The following DLC1 variants were observed in gnomAD, a reference collection of about 807,000 sequenced individuals.
DLC1 encodes the protein rho GTPase-activating protein 7.
Under a neutral mutation model 140.3 loss-of-function variants are expected in DLC1, and 54 were observed. The ratio of observed to expected loss-of-function variants is 0.38; its 90% confidence interval spans 0.31 to 0.48. The LOEUF is 0.48. Among genes scored for constraint, DLC1 ranks in the 20% least tolerant of loss-of-function variants. The pLI is 0.96. For synonymous variants in DLC1, 986 were observed against 728.1 expected, an observed-to-expected ratio of 1.35 and a Z score of -5.70; for missense variants, 2,536 against 1,907.0, an observed-to-expected ratio of 1.33 and a Z score of -6.14.
intron 5 of DLC1, among the ~76,000 whole-genome samples, chr8:13,152,299 T>C (rs1197780958): frequency 6.6e-6 from 1 of 152,240 alleles, no homozygotes; most frequent in Non-Finnish European, 1.5e-5. Context: ...TGCATGCTTC[T>C]CTTGATAGAC....
rs1409280128 is a variant in DLC1 at position 13,481,462 on chromosome 8, A to G, written c.1023+17587T>C. ...TAAATAAATAAAACAAACAAACAGA[A>G]GAATAAGCATTTTAAATAAAATAAA... On this transcript the variant is annotated intron_variant, in intron 2 of 17. Transcript: ENST00000276297. 2.0e-5 allele frequency among the ~76,000 whole-genome samples: 3 copies of G among 152,204 alleles called. No individual in the cohort carries two copies. In the East Asian group the frequency reaches 5.8e-4, roughly 29 times the overall value.
intron 4 of DLC1, among the ~76,000 whole-genome samples, chr8:13,392,052 C>T (rs891576471): frequency 6.6e-6 from 1 of 151,702 alleles, no homozygotes; most frequent in Admixed American, 6.6e-5. Context: ...CTCAACTTTC[C>T]TTACCCATTA....
At chr8:13,305,046 A>G in intron 5 of DLC1, 1 of 1,178,344 alleles carries the variant, frequency 8.5e-7, no homozygotes, top group Non-Finnish European at 1.1e-6. Context: ...GAAGACCCCA[A>G]GAAACACATA....
At chr8:13,391,897 G>T (rs1344749537) in intron 4 of DLC1, among the ~76,000 whole-genome samples, 4 of 96,286 alleles carry the variant, frequency 4.2e-5, no homozygotes, top group Non-Finnish European at 8.4e-5. Context: ...TGTCCCCAAT[G>T]TTGAAAAAAA....
At chr8:13,444,442 G>C (rs914523287) in intron 2 of DLC1, among the ~76,000 whole-genome samples, 1 of 152,014 alleles carries the variant, frequency 6.6e-6, no homozygotes, top group South Asian at 2.1e-4. Context: ...AGAACTTAAC[G>C]TTTAATAATA....
intron 5 of DLC1, among the ~76,000 whole-genome samples, chr8:13,146,168 G>A (rs1416404989): frequency 6.6e-6 from 1 of 151,812 alleles, no homozygotes; most frequent in Non-Finnish European, 1.5e-5. Flanking sequence ...CCAGCTACTC[G>A]GGAGGCTGAG....
At position 13,499,534 on chromosome 8, in the gene DLC1, C is replaced by G. The variant is rs1801686576; in HGVS notation, c.538G>C (p.Glu180Gln). The G allele has an allele frequency of 6.2e-7, 1 of 1,613,994 alleles. No homozygotes were observed. Among genetic ancestry groups the G allele is most frequent in the African/African-American group, 1.3e-5 (1 of 74,914 alleles). ...CTTATAGAGTCAGTAACTTTTCTCT[C>G]CCCACTTTCTTTTACCAGTGCTAAT... ...TELALVKESG[E>Q]RKVTDSISKS... Residue 180 changes from glutamate to glutamine, a missense_variant, in exon 2 of 18, where the codon GAG (glutamate) becomes CAG (glutamine). Transcript: ENST00000276297.
rs374480285 is a variant in DLC1, at chr8:13,091,750, A to G, written c.3741-318T>C. ...CATGGTGGGGGAGCAACTTCTGAGG[A>G]GTGTGGGAAAGGAGTCCCAGGGAGT... On this transcript the variant is annotated intron_variant, in intron 13 of 17. Coordinates refer to ENST00000276297, the MANE Select transcript of DLC1 (RefSeq NM_182643.3). 6.2e-4 allele frequency among the ~76,000 whole-genome samples: 95 copies of G among 152,212 alleles called. No homozygotes were observed. In the East Asian group the frequency reaches 9.7e-3, roughly 16 times the overall value.
chr8:13,421,756 T>C (rs2117348532), intron 2 of DLC1, among the ~76,000 whole-genome samples: 1 of 152,310 alleles, frequency 6.6e-6, no homozygotes, highest in Admixed American at 6.5e-5. Context: ...GACCTGTTTG[T>C]TTGCCTTTTC....
intron 5 of DLC1, among the ~76,000 whole-genome samples, chr8:13,142,306 G>A (rs1415192163): frequency 1.3e-5 from 2 of 152,120 alleles, no homozygotes; most frequent in African/African-American, 4.8e-5. Flanking sequence ...TAATATTTGA[G>A]GATTTATCAG....
At chr8:13,592,828 T>C (rs558429922) in intron 1 of DLC1, among the ~76,000 whole-genome samples, 1 of 152,244 alleles carries the variant, frequency 6.6e-6, no homozygotes, top group Admixed American at 6.5e-5. Context: ...AAGCAATGAT[T>C]TGTCTCTGTT....
chr8:13,390,831 C>G (rs1043726291), intron 4 of DLC1, among the ~76,000 whole-genome samples: 1 of 151,622 alleles, frequency 6.6e-6, no homozygotes, highest in African/African-American at 2.4e-5. Context: ...ACTAAAAATA[C>G]AAAAAAATTA....
intron 4 of DLC1, among the ~76,000 whole-genome samples, chr8:13,368,767 A>G (rs1052314040): frequency 1.3e-5 from 2 of 152,164 alleles, no homozygotes; most frequent in African/African-American, 2.4e-5. Flanking sequence ...TCTTCCAAGT[A>G]AGGATAAGTG....
intron 1 of DLC1, among the ~76,000 whole-genome samples, chr8:13,554,621 C>A (rs1422950115): frequency 6.6e-6 from 1 of 152,114 alleles, no homozygotes; most frequent in Non-Finnish European, 1.5e-5. Flanking sequence ...ACCTCATTCC[C>A]AAACCCTCTA....
At chr8:13,152,243 A>C (rs1823875893) in intron 5 of DLC1, among the ~76,000 whole-genome samples, 1 of 152,206 alleles carries the variant, frequency 6.6e-6, no homozygotes, top group African/African-American at 2.4e-5. Flanking sequence ...TTCTGAAATG[A>C]CCCAGAAGTT....
intron 2 of DLC1, among the ~76,000 whole-genome samples, chr8:13,497,792 T>A (rs1801580940): frequency 6.6e-6 from 1 of 152,316 alleles, no homozygotes; most frequent in Non-Finnish European, 1.5e-5. Context: ...ATAACAACTT[T>A]ATGGAGCATT....
At chr8:13,291,680 T>C (rs1831762359) in intron 5 of DLC1, among the ~76,000 whole-genome samples, 1 of 152,154 alleles carries the variant, frequency 6.6e-6, no homozygotes, top group Non-Finnish European at 1.5e-5. Flanking sequence ...TAGACAGTAA[T>C]AAATATAAAT....
chr8:13,487,027 C>T (rs28568527), intron 2 of DLC1, among the ~76,000 whole-genome samples: 3,578 of 152,202 alleles, frequency 0.024, 155 homozygotes, highest in African/African-American at 0.081. Flanking sequence ...AATTATCCAC[C>T]GGCCCTCTGA....
rs1376973282 is a variant in DLC1 at position 13,241,086 on chromosome 8, T to C, written c.1348+64183A>G. ...CTGAGCTTTGCTGCAGTCACATAATTCTACACTTAAATTACATTCTTGCAT... is the reference window on the plus strand; with the variant it reads ...CTGAGCTTTGCTGCAGTCACATAATCCTACACTTAAATTACATTCTTGCAT... On this transcript the variant is annotated intron_variant, in intron 5 of 17. Coordinates refer to ENST00000276297, the MANE Select transcript of DLC1 (RefSeq NM_182643.3). Among the ~76,000 whole-genome samples the C allele has an allele frequency of 2.3e-4, 35 of 152,114 alleles. 1 individual carries two copies. The highest frequency in any genetic ancestry group is 2.3e-3 in the Admixed American group (35 of 15,266).
Sources: allele counts gnomAD v4.1 joint callset (sites outside exome capture counted in the v4.1 genomes callset), GRCh38; gene constraint gnomAD v4.1.1; transcripts MANE v1.5; gene names NCBI Gene and HGNC (gene_info 2026-07-23, HGNC 2026-07-21).